E2F2: variants seen among roughly 807,000 people sequenced by gnomAD.
The protein encoded by E2F2 is transcription factor E2F2.
A neutral mutation model predicts 42.2 loss-of-function variants in E2F2; 22 were observed. The ratio of observed to expected loss-of-function variants is 0.52; its 90% confidence interval spans 0.37 to 0.74. The LOEUF (loss-of-function observed/expected upper bound fraction) is 0.74. Ranked by LOEUF, E2F2 falls within the 30% of genes least tolerant of loss-of-function variation. The pLI is 0.00. For synonymous variants in E2F2, 248 were observed against 251.6 expected (o/e 0.99, Z 0.13); for missense variants, 481 against 557.8 (o/e 0.86, Z 1.39).
At position 23,516,373 on chromosome 1, in the gene E2F2, C is replaced by A. The variant is rs771080241; in HGVS notation, c.1007G>T (p.Ser336Ile). 1 of 1,582,488 alleles carries A rather than the reference C, an allele frequency of 6.3e-7. No individual in the cohort carries two copies. The highest frequency in any genetic ancestry group is 2.4e-5 in the East Asian group (1 of 41,880). The stretch of plus-strand genomic sequence containing the variant: ...GGGCTCCATGATGCTAGGGTCGGTG[C>A]TGCTGCTGGGCTGGGCAGAGTCAGG... ...PSPDSAQPSSSTDPSIMEPTA... is the reference protein window; with the variant it reads ...PSPDSAQPSSITDPSIMEPTA... Residue 336 changes from serine (S) to isoleucine (I), a missense_variant, in exon 6 of 7, where the codon AGC (serine) becomes ATC (isoleucine). Transcript: ENST00000361729.
intron 1 of E2F2, among the ~76,000 whole-genome samples, chr1:23,529,792 C>G (rs904646862): frequency 6.6e-6 from 1 of 152,208 alleles, no homozygotes; most frequent in African/African-American, 2.4e-5. Context: ...CTCCACCCCC[C>G]ACCCTAAAGT....
At position 23,524,413 on chromosome 1, in the gene E2F2, T is replaced by A; in HGVS notation, c.328A>T (p.Ile110Phe). Residue 110 changes from isoleucine to phenylalanine, a missense_variant, in exon 2 of 7, where the codon ATC becomes TTC. Physicochemically the swap from Ile to Phe is conservative, Grantham distance 21. Transcript: ENST00000361729. Reference protein sequence around the residue: ...PEFPTPKGKCIRVDGLPSPKT... With the variant: ...PEFPTPKGKCFRVDGLPSPKT... The stretch of plus-strand genomic sequence containing the variant: ...GGGCTGGGGAGGCCATCCACTCTGA[T>A]GCACTTCCCCTTGGGGGTTGGGAAC... 1 of 1,613,512 alleles carries A rather than the reference T, an allele frequency of 6.2e-7. No homozygotes were observed. Among genetic ancestry groups the A allele is most frequent in the Admixed American group, 1.7e-5 (1 of 59,952 alleles).
chr1:23,509,915 C>G lies in E2F2; in HGVS notation c.1279G>C (p.Asp427His), dbSNP rs143218447. ...EAGEGISDLFDSYDLGDLLIN is the reference protein window; with the variant it reads ...EAGEGISDLFHSYDLGDLLIN ...AACAGGTCCCCAAGGTCGTAGGAGT[C>G]GAAGAGATCGCTGATGCCCTCACCC... Residue 427 changes from aspartate to histidine, a missense_variant, in exon 7 of 7, where the codon GAC (aspartate) becomes CAC (histidine). Transcript: ENST00000361729. 1 of 1,588,818 alleles carries G rather than the reference C, an allele frequency of 6.3e-7. No individual in the cohort carries two copies. Among genetic ancestry groups the G allele is most frequent in the Admixed American group, 1.7e-5 (1 of 57,964 alleles).
In E2F2 at chr1:23,509,867, C is replaced by T; in HGVS notation, c.*13G>A. The T allele has an allele frequency of 2.0e-6, 3 of 1,521,354 alleles. No individual in the cohort carries two copies. The South Asian group carries it at 3.9e-5, about 20-fold the overall frequency. The allele number at this position is 1,521,354 out of a possible 1,614,324, so 94.2% of individuals were successfully genotyped here. ...AGAGTCGGGGGCAGGCTGCTGGGGGCAGGCAGGGCCACTCAATTAATCAAC... is the reference window on the plus strand; with the variant it reads ...AGAGTCGGGGGCAGGCTGCTGGGGGTAGGCAGGGCCACTCAATTAATCAAC... On this transcript the variant is annotated 3_prime_UTR_variant, in exon 7 of 7. Transcript: ENST00000361729.
chr1:23,523,078 G>A (rs767538695), intron 2 of E2F2, among the ~76,000 whole-genome samples: 1 of 152,086 alleles, frequency 6.6e-6, no homozygotes, highest in South Asian at 2.1e-4. Flanking sequence ...CTGTCAGGTC[G>A]GAGCAGAATC....
rs891740207 is a variant in E2F2, at chr1:23,514,492, G to A, written c.1045+1843C>T. Among the ~76,000 whole-genome samples, 3 of 152,070 alleles carry A rather than the reference G, an allele frequency of 2.0e-5. No individual in the cohort carries two copies. In the East Asian group the frequency reaches 5.8e-4, roughly 29 times the overall value. ...CTTAGGGAAGCCACTTGCCCTCTCT[G>A]GGCCTGTGTTCATTCATGTGTTAAA... On this transcript the variant is annotated intron_variant, in intron 6 of 6. Coordinates refer to ENST00000361729, the MANE Select transcript of E2F2 (RefSeq NM_004091.4).
At chr1:23,523,737 C>T (rs1643195614) in intron 2 of E2F2, among the ~76,000 whole-genome samples, 2 of 152,094 alleles carry the variant, frequency 1.3e-5, no homozygotes, top group South Asian at 2.1e-4. Flanking sequence ...AAACACTGGT[C>T]ATTGAGTTTA....
In E2F2 at chr1:23,530,662, G is replaced by A. The variant is rs1643324600; in HGVS notation, c.132C>T (p.Tyr44=). The A allele has an allele frequency of 1.9e-6, 3 of 1,613,342 alleles. No homozygotes were observed. Among genetic ancestry groups the A allele is most frequent in the Non-Finnish European group, 8.5e-7 (1 of 1,179,766 alleles). ...CCGTCTGCGGGTACAGCGGTGTGTA[G>A]TAGGTAGCAGTAGCTGGGCAGAGCT... ...SPQLCPATAT[Y]YTPLYPQTAP... Residue 44 remains tyrosine (Y), a synonymous_variant, in exon 1 of 7, where the codon TAC becomes TAT. Coordinates refer to ENST00000361729, the MANE Select transcript of E2F2 (RefSeq NM_004091.4). This position sits in a 1 kb window ranked among gnomAD's most constrained non-coding sequence, Gnocchi z 4.4.
intron 6 of E2F2, 88 bp from the exon 7 acceptor site, chr1:23,510,236 G>A (rs967839185): frequency 1.4e-6 from 2 of 1,439,632 alleles, no homozygotes; most frequent in Non-Finnish European, 1.8e-6. Context: ...CTGGATGACT[G>A]CACCCTTCTT....
chr1:23,521,183 T>C, intron 3 of E2F2, 112 bp from the exon 4 acceptor site: 1 of 1,238,368 alleles, frequency 8.1e-7, no homozygotes, highest in Non-Finnish European at 1.1e-6. Flanking sequence ...TCAGTGGTCA[T>C]GCCTGTCTCT....
At chr1:23,518,248 A>G (rs1217318929) in intron 5 of E2F2, among the ~76,000 whole-genome samples, 2 of 151,872 alleles carry the variant, frequency 1.3e-5, no homozygotes, top group Non-Finnish European at 2.9e-5. Flanking sequence ...CAGGTGGATC[A>G]TGAGGTCAGG....
Position 23,510,013 on chromosome 1 carries a change from A to T in E2F2, c.1181T>A (p.Leu394Gln), listed in dbSNP as rs370898219. ...QTEDQFLSPT[L>Q]ACSSPLISFS... ...GCTGATCAGAGGGGAGCTGCACGCC[A>T]GGGTCGGGGACAGGAACTGGTCCTC... Residue 394 changes from leucine to glutamine, a missense_variant, in exon 7 of 7, where the codon CTG becomes CAG. Transcript: ENST00000361729. The T allele has an allele frequency of 5.0e-6, 8 of 1,613,600 alleles. No homozygotes were observed. The highest frequency in any genetic ancestry group is 1.1e-5 in the South Asian group (1 of 90,940).
rs1643325666 is a variant in E2F2, at chr1:23,530,722, G to A, written c.72C>T (p.Pro24=). ...QTPKVVPAMS[P]TELWPSGLSS... ...TGAGGCCGGATGGCCACAGCTCTGT[G>A]GGGCTCATCGCGGGCACCACCTTCG... The change falls in exon 1 of 7, where the codon CCC becomes CCT. Residue 24 remains proline, a synonymous_variant. Transcript: ENST00000361729. This position sits in a 1 kb window ranked among gnomAD's most constrained non-coding sequence, Gnocchi z 4.4. 6.2e-7 allele frequency: 1 copy of A among 1,603,926 alleles called. No homozygotes were observed. The highest frequency in any genetic ancestry group is 2.2e-5 in the East Asian group (1 of 44,508).
At chr1:23,521,641 C>T (rs1231342062) in intron 3 of E2F2, 196 bp downstream of exon 3, 2 of 985,346 alleles carry the variant, frequency 2.0e-6, no homozygotes, top group Admixed American at 1.2e-4. Context: ...ACACGGCGCT[C>T]TTCCTCACCA....
rs1642836820 is a variant in E2F2 at position 23,508,099 on chromosome 1, A to G, written c.*1781T>C. On this transcript the variant is annotated 3_prime_UTR_variant, in exon 7 of 7. Transcript: ENST00000361729. Reference sequence around the variant, plus strand: ...GACCAAAAGCATTTCTGCAAAGGGTACACAATTAGCCCTGCTTATAGAGTG... The same window carrying G: ...GACCAAAAGCATTTCTGCAAAGGGTGCACAATTAGCCCTGCTTATAGAGTG... 6.6e-6 allele frequency: 1 copy of G among 152,246 alleles called. No individual in the cohort carries two copies. The highest frequency in any genetic ancestry group is 1.9e-4 in the East Asian group (1 of 5,196). The allele number at this position is 152,246 out of a possible 1,614,324, so 9.4% of individuals were successfully genotyped here.
intron 6 of E2F2, among the ~76,000 whole-genome samples, chr1:23,513,968 A>G (rs1424831223): frequency 6.6e-6 from 1 of 151,944 alleles, no homozygotes; most frequent in Non-Finnish European, 1.5e-5. Context: ...TACTGAAAAT[A>G]CAAAAATTAG....
chr1:23,505,978 A>G (rs890218090), downstream of E2F2, among the ~76,000 whole-genome samples: 6 of 152,130 alleles, frequency 3.9e-5, no homozygotes, highest in African/African-American at 2.4e-5. Flanking sequence ...TTATATTTTT[A>G]GCAGAGATGG....
rs993041928 is a variant in E2F2 at position 23,528,832 on chromosome 1, C to T, written c.252+1710G>A. 4.6e-5 allele frequency among the ~76,000 whole-genome samples: 7 copies of T among 152,248 alleles called. No individual in the cohort carries two copies. The East Asian group carries it at 5.8e-4, about 13-fold the overall frequency. On this transcript the variant is annotated intron_variant, in intron 1 of 6. Transcript: ENST00000361729. ...GCTGGCCAGAGGAGAGTGGGCCTGCCGCAAAGCTCCCTTCCCTGGGGGGAG... is the reference window on the plus strand; with the variant it reads ...GCTGGCCAGAGGAGAGTGGGCCTGCTGCAAAGCTCCCTTCCCTGGGGGGAG...
rs770308147 is a variant in E2F2, at chr1:23,530,775, C to G, written c.19G>C (p.Ala7Pro). ...GTCTGCCCAGCGGCCGAAGCCAAGG[C>G]CCGGGGCCCTTGCAGCATAGCGAGT... MLQGPR[A>P]LASAAGQTPK... Residue 7 changes from alanine (A) to proline (P), a missense_variant, in exon 1 of 7, where the codon GCC becomes CCC. By Grantham distance (27) the Ala-to-Pro change is conservative. Transcript: ENST00000361729. The surrounding 1 kb of genome is among the most constrained non-coding windows in gnomAD (Gnocchi z 4.4). 3.2e-6 allele frequency: 5 copies of G among 1,554,614 alleles called. No homozygotes were observed. The highest frequency in any genetic ancestry group is 4.4e-6 in the Non-Finnish European group (5 of 1,147,466).
Sources: allele counts gnomAD v4.1 joint callset (sites outside exome capture counted in the v4.1 genomes callset), GRCh38; gene constraint gnomAD v4.1.1; non-coding constraint Gnocchi (gnomAD v3.1); transcripts MANE v1.5; gene names NCBI Gene and HGNC (gene_info 2026-07-23, HGNC 2026-07-21).